Variants in NOL4 observed in about 807,000 individuals in gnomAD.
NOL4 encodes cancer/testis antigen 125.
NOL4 carries 17 observed loss-of-function variants against 75.9 expected under a neutral mutation model. The ratio of observed to expected loss-of-function variants is 0.22; its 90% CI spans 0.15 to 0.34. The LOEUF (loss-of-function observed/expected upper bound fraction) is 0.34, where lower values mean the gene tolerates loss of function less well. NOL4 is among the 10% of genes least tolerant of loss of function. The pLI is 1.00. For synonymous variants in NOL4, 292 were observed against 289.9 expected (o/e 1.01, Z -0.07); for missense variants, 614 against 793.5 (o/e 0.77, Z 2.72).
At chr18:34,027,192 G>A (rs371698399) in intron 5 of NOL4, among the ~76,000 whole-genome samples, 2 of 152,172 alleles carry the variant, frequency 1.3e-5, no homozygotes, top group African/African-American at 4.8e-5. Context: ...ACAGAGAGGA[G>A]GATAGAGAGG....
chr18:33,866,319 T>G (rs1396597753), intron 10 of NOL4, among the ~76,000 whole-genome samples: 1 of 152,176 alleles, frequency 6.6e-6, no homozygotes, highest in Non-Finnish European at 1.5e-5. Context: ...AATTAAAACA[T>G]TTTAAAATCT....
rs1344369118 is a variant in NOL4, at chr18:34,053,802, TA to T, written c.773-34202del. On this transcript the variant is annotated intron_variant, in intron 5 of 10. Coordinates refer to ENST00000261592, the MANE Select transcript of NOL4 (RefSeq NM_003787.5). ...GATTTTTAACACAGTTTTTGAATTA[TA>T]AAATATTCAATACTCTATTATAAAT... is the stretch of plus-strand genomic sequence containing the variant. Among the ~76,000 whole-genome samples the T allele has an allele frequency of 8.5e-5, 13 of 152,112 alleles. 1 individual carries two copies. The highest frequency in any genetic ancestry group is 1.0e-4 in the Non-Finnish European group (7 of 67,890).
At chr18:33,964,888 A>G (rs1396058868) in intron 6 of NOL4, among the ~76,000 whole-genome samples, 1 of 152,208 alleles carries the variant, frequency 6.6e-6, no homozygotes, top group African/African-American at 2.4e-5. Context: ...TTTTGCAACA[A>G]TTTACTGATA....
chr18:33,998,256 T>C (rs1257418166), intron 6 of NOL4, among the ~76,000 whole-genome samples: 2 of 152,054 alleles, frequency 1.3e-5, no homozygotes, highest in Non-Finnish European at 2.9e-5. Flanking sequence ...CACTTTAAAT[T>C]GGTGAATTGC....
At chr18:33,855,546 T>C (rs1277972575) in intron 10 of NOL4, among the ~76,000 whole-genome samples, 1 of 152,076 alleles carries the variant, frequency 6.6e-6, no homozygotes, top group Non-Finnish European at 1.5e-5. Context: ...AGGATTTTGA[T>C]ATCCAAGGTT....
chr18:33,972,431 A>G (rs531106260), intron 6 of NOL4, among the ~76,000 whole-genome samples: 11 of 152,160 alleles, frequency 7.2e-5, no homozygotes, highest in Non-Finnish European at 1.5e-4. Flanking sequence ...CCTCTCACCC[A>G]TTAGGATGGC....
At chr18:34,080,409 T>C (rs530083743) in intron 5 of NOL4, among the ~76,000 whole-genome samples, 29 of 152,194 alleles carry the variant, frequency 1.9e-4, no homozygotes, top group Admixed American at 3.9e-4. Context: ...ACATAGTAGG[T>C]GGTCAATAAC....
intron 1 of NOL4, among the ~76,000 whole-genome samples, chr18:34,153,447 C>T (rs1254486114): frequency 6.6e-6 from 1 of 151,934 alleles, no homozygotes; most frequent in Admixed American, 6.6e-5. Flanking sequence ...GACTGCTAAA[C>T]ACTTTACAAG....
chr18:34,223,245 G>C lies in NOL4; in HGVS notation c.9C>G (p.Ser3Arg). 1 of 1,613,528 alleles carries C rather than the reference G, an allele frequency of 6.2e-7. No individual in the cohort carries two copies. The highest frequency in any genetic ancestry group is 8.5e-7 in the Non-Finnish European group (1 of 1,179,932). The stretch of plus-strand genomic sequence containing the variant: ...GGAACTGGCGGTACATGTCGCGCTC[G>C]CTCTCCATGTTCCCCGCGCTCGGCC... ME[S>R]ERDMYRQFQD... The change falls in exon 1 of 11, where the codon AGC becomes AGG. Residue 3 changes from serine (S) to arginine (R), a missense_variant. Coordinates refer to ENST00000261592, the MANE Select transcript of NOL4 (RefSeq NM_003787.5).
At chr18:33,986,696 T>G (rs1277837960) in intron 6 of NOL4, among the ~76,000 whole-genome samples, 1 of 152,098 alleles carries the variant, frequency 6.6e-6, no homozygotes, top group African/African-American at 2.4e-5. Context: ...ATATAGCCAC[T>G]TTGACAATCA....
chr18:33,988,950 C>A (rs1268622035), intron 6 of NOL4, among the ~76,000 whole-genome samples: 1 of 151,806 alleles, frequency 6.6e-6, no homozygotes, highest in Non-Finnish European at 1.5e-5. Flanking sequence ...ATAATCACAG[C>A]ATTTTGGGAA....
At chr18:34,088,326 T>C (rs1401088155) in intron 5 of NOL4, among the ~76,000 whole-genome samples, 2 of 152,050 alleles carry the variant, frequency 1.3e-5, no homozygotes, top group Non-Finnish European at 2.9e-5. Flanking sequence ...AAGGTACAAA[T>C]TCATAATAAA....
chr18:33,929,317 G>T (rs934775840), intron 9 of NOL4, among the ~76,000 whole-genome samples: 1 of 152,034 alleles, frequency 6.6e-6, no homozygotes, highest in African/African-American at 2.4e-5. Context: ...CACCTCATTT[G>T]TATGGAATAC....
At chr18:34,051,133 G>A (rs2076607424) in intron 5 of NOL4, among the ~76,000 whole-genome samples, 2 of 151,962 alleles carry the variant, frequency 1.3e-5, no homozygotes, top group South Asian at 2.1e-4. Context: ...AATGTTAGGT[G>A]TCATTTAGGA....
chr18:33,890,151 C>T (rs1294452075), intron 9 of NOL4, among the ~76,000 whole-genome samples: 1 of 152,076 alleles, frequency 6.6e-6, no homozygotes, highest in Non-Finnish European at 1.5e-5. Flanking sequence ...TCGTCTCAGC[C>T]CAAAATCTCC....
At chr18:34,161,576 G>T (rs1280715298) in intron 1 of NOL4, among the ~76,000 whole-genome samples, 1 of 151,944 alleles carries the variant, frequency 6.6e-6, no homozygotes, top group African/African-American at 2.4e-5. Context: ...GTTCTGATTT[G>T]TATTTCCTTG....
intron 6 of NOL4, among the ~76,000 whole-genome samples, chr18:33,978,306 G>A (rs192189124): frequency 3.2e-4 from 49 of 152,214 alleles, no homozygotes; most frequent in Non-Finnish European, 5.9e-4. Flanking sequence ...AGAGTCTTGC[G>A]AAGGTAGAGT....
chr18:33,958,849 G>T (rs756400109), intron 6 of NOL4, among the ~76,000 whole-genome samples: 2 of 151,704 alleles, frequency 1.3e-5, no homozygotes, highest in African/African-American at 4.8e-5. Flanking sequence ...ATATAATATT[G>T]TATTATATCA....
chr18:34,086,370 T>C (rs2078242740), intron 5 of NOL4, among the ~76,000 whole-genome samples: 1 of 152,110 alleles, frequency 6.6e-6, no homozygotes, highest in Non-Finnish European at 1.5e-5. Context: ...AAAACAAACT[T>C]GCACAAGAAA....
Sources: gnomAD v4.1 joint callset for allele counts (sites outside exome capture counted in the v4.1 genomes callset) on GRCh38, gnomAD v4.1.1 for gene constraint, MANE v1.5 for transcripts, NCBI Gene and HGNC (gene_info 2026-07-23, HGNC 2026-07-21) for gene names.